The following SMAD2 variants were observed in gnomAD, a reference collection of about 807,000 sequenced individuals.
The protein encoded by SMAD2 is SMAD family member 2.
Under a neutral mutation model 64.4 loss-of-function variants are expected in SMAD2, and 8 were observed. That is an observed-to-expected ratio of 0.12 (90% CI 0.07 to 0.22). SMAD2 has a LOEUF of 0.22. Among genes scored for constraint, SMAD2 ranks in the 10% least tolerant of loss-of-function variants. The pLI is 1.00. For missense variants in SMAD2, 289 were observed against 561.2 expected (o/e 0.51, Z 4.90); for synonymous variants, 203 against 195.8 (o/e 1.04, Z -0.31).
chr18:47,853,067 C>G (rs972945759), intron 6 of SMAD2, among the ~76,000 whole-genome samples: 1 of 152,068 alleles, frequency 6.6e-6, no homozygotes, highest in South Asian at 2.1e-4. Flanking sequence ...CATGGTGGCT[C>G]ATGCCTGTAA....
Position 47,860,925 on chromosome 18 carries a change from C to A in SMAD2, c.730+4134G>T, listed in dbSNP as rs546120821. Reference sequence around the variant, plus strand: ...CAAAATATCCACAATTAACATCATACTTAAAGGGGGAATTGTGAAATGTGT... The same window carrying A: ...CAAAATATCCACAATTAACATCATAATTAAAGGGGGAATTGTGAAATGTGT... On this transcript the variant is annotated intron_variant, in intron 6 of 10. Transcript: ENST00000262160. Among the ~76,000 whole-genome samples the A allele has an allele frequency of 8.5e-5, 13 of 152,060 alleles. No homozygotes were observed. The South Asian group carries it at 2.7e-3, about 32-fold the overall frequency.
chr18:47,919,822 T>C (rs2034492990), intron 1 of SMAD2, among the ~76,000 whole-genome samples: 1 of 152,188 alleles, frequency 6.6e-6, no homozygotes, highest in African/African-American at 2.4e-5. Flanking sequence ...GATTTCTGAT[T>C]CCAAAGATTA....
At chr18:47,887,460 T>C (rs764211218) in intron 2 of SMAD2, among the ~76,000 whole-genome samples, 20 of 151,652 alleles carry the variant, frequency 1.3e-4, no homozygotes, top group East Asian at 1.9e-4. Flanking sequence ...CCTGTGGAGG[T>C]TGGAAGTCCA....
At chr18:47,886,596 T>C (rs2032919130) in intron 2 of SMAD2, among the ~76,000 whole-genome samples, 1 of 151,786 alleles carries the variant, frequency 6.6e-6, no homozygotes, top group African/African-American at 2.4e-5. Context: ...TATCTATCTA[T>C]CTATCTATCT....
intron 2 of SMAD2, among the ~76,000 whole-genome samples, chr18:47,877,161 AT>A (rs71162898): frequency 0.035 from 5,079 of 143,460 alleles, 103 homozygotes; most frequent in African/African-American, 0.073. Context: ...TAAACAGTGT[AT>A]TTTTTTTTTT....
chr18:47,925,986 CACT>C (rs1362522923), intron 1 of SMAD2, among the ~76,000 whole-genome samples: 1 of 152,220 alleles, frequency 6.6e-6, no homozygotes, highest in African/African-American at 2.4e-5. Flanking sequence ...GAAAAGCATA[CACT>C]ACTGTCAAAG....
chr18:47,857,781 C>T (rs1381934280), intron 6 of SMAD2, among the ~76,000 whole-genome samples: 1 of 152,198 alleles, frequency 6.6e-6, no homozygotes, highest in African/African-American at 2.4e-5. Flanking sequence ...ATCGAAGAAG[C>T]TGCAAGCACA....
chr18:47,900,069 A>C (rs1056851472), intron 1 of SMAD2, among the ~76,000 whole-genome samples: 5 of 152,180 alleles, frequency 3.3e-5, no homozygotes, highest in Admixed American at 6.6e-5. Flanking sequence ...CCAATATAAC[A>C]ACCTCTATAA....
At chr18:47,915,511 T>C (rs1392523403) in intron 1 of SMAD2, among the ~76,000 whole-genome samples, 5 of 152,176 alleles carry the variant, frequency 3.3e-5, no homozygotes, top group African/African-American at 1.2e-4. Context: ...GTATATATCA[T>C]TTTATACCAT....
Position 47,825,453 on chromosome 18 carries a change from T to G in SMAD2, c.*16374A>C, listed in dbSNP as rs1912718094. ...TAAAAAGAGACTTGTTTGGTTGTTG[T>G]GAACAAGTGGGTTGTTTGCACGTCT... On this transcript the variant is annotated 3_prime_UTR_variant, in exon 11 of 11. Coordinates refer to ENST00000262160, the MANE Select transcript of SMAD2 (RefSeq NM_005901.6). The G allele has an allele frequency of 6.6e-6, 1 of 152,310 alleles. No homozygotes were observed. Among genetic ancestry groups the G allele is most frequent in the Non-Finnish European group, 1.5e-5 (1 of 68,110 alleles). 9.4% of individuals were successfully genotyped at this position (152,310 alleles called of 1,614,324 possible). A position where few individuals can be genotyped will look rare whatever the true frequency, so the allele number is the denominator to read the frequency against.
At chr18:47,870,088 TTAAG>T (rs1417631434) in intron 3 of SMAD2, among the ~76,000 whole-genome samples, 3 of 104,692 alleles carry the variant, frequency 2.9e-5, no homozygotes, top group African/African-American at 9.8e-5. Flanking sequence ...AAGGGGTTCA[TTAAG>T]TATGTATTTA....
intron 1 of SMAD2, among the ~76,000 whole-genome samples, chr18:47,905,193 A>G (rs1286728863): frequency 4.6e-5 from 7 of 152,222 alleles, no homozygotes; most frequent in Non-Finnish European, 1.0e-4. Context: ...AGATTTGGAA[A>G]ATGAAATTTC....
At chr18:47,845,201 T>A in intron 10 of SMAD2, 139 bp downstream of exon 10, 1 of 917,422 alleles carries the variant, frequency 1.1e-6, no homozygotes, top group Non-Finnish European at 1.8e-6. Flanking sequence ...TTTGGAGGCC[T>A]CCAACTTTAT....
chr18:47,870,196 T>C (rs888444877), intron 3 of SMAD2, among the ~76,000 whole-genome samples: 1 of 152,136 alleles, frequency 6.6e-6, no homozygotes, highest in African/African-American at 2.4e-5. Flanking sequence ...TATAATCTGA[T>C]CTCAAGCTAA....
In SMAD2 at chr18:47,837,574, A is replaced by AC. The variant is rs1237818125; in HGVS notation, c.*4252_*4253insG. The AC allele has an allele frequency of 2.6e-4, 60 of 227,804 alleles. No individual in the cohort carries two copies. Among genetic ancestry groups the AC allele is most frequent in the Middle Eastern group, 2.5e-3 (2 of 792 alleles). 14.1% of individuals were successfully genotyped at this position (227,804 alleles called of 1,614,324 possible). ...GAGACTCCCTCTCAAAAAAAAAAAAAAAAAACAAAAAACAAGGCTAACAAG... is the reference window on the plus strand; with the variant it reads ...GAGACTCCCTCTCAAAAAAAAAAAAACAAAAACAAAAAACAAGGCTAACAAG... On this transcript the variant is annotated 3_prime_UTR_variant, in exon 11 of 11. Transcript: ENST00000262160.
At chr18:47,885,774 C>A (rs950100619) in intron 2 of SMAD2, among the ~76,000 whole-genome samples, 3 of 152,060 alleles carry the variant, frequency 2.0e-5, no homozygotes, top group Non-Finnish European at 4.4e-5. Context: ...TCAGACTAGG[C>A]AACATGATGA....
chr18:47,924,514 A>G (rs373394273), intron 1 of SMAD2, among the ~76,000 whole-genome samples: 111 of 148,042 alleles, frequency 7.5e-4, no homozygotes, highest in African/African-American at 2.8e-3. Flanking sequence ...CAGGCTGGAG[A>G]GCAGTCGCGG....
chr18:47,897,474 G>GT (rs1370691293), intron 1 of SMAD2, among the ~76,000 whole-genome samples: 3 of 152,036 alleles, frequency 2.0e-5, no homozygotes. Flanking sequence ...ATTGTACCTT[G>GT]TCTTTTCTCT....
chr18:47,886,199 A>G (rs1000757753), intron 2 of SMAD2, among the ~76,000 whole-genome samples: 2 of 152,218 alleles, frequency 1.3e-5, no homozygotes, highest in Non-Finnish European at 2.9e-5. Context: ...TTTGATTGTA[A>G]AAGTTTTTAT....
Sources: allele counts gnomAD v4.1 joint callset (sites outside exome capture counted in the v4.1 genomes callset), GRCh38; gene constraint gnomAD v4.1.1; transcripts MANE v1.5; gene names NCBI Gene and HGNC (gene_info 2026-07-23, HGNC 2026-07-21).